Variants in MAMDC2 observed in about 807,000 individuals in gnomAD.
MAMDC2 encodes MAM domain containing 2.
A neutral mutation model predicts 89.8 loss-of-function variants in MAMDC2; 57 were observed. That is an observed-to-expected ratio of 0.63 (90% CI 0.51 to 0.79). MAMDC2 has a LOEUF of 0.79. Ranked by LOEUF, MAMDC2 falls within the 30% of genes least tolerant of loss-of-function variation. The probability of loss-of-function intolerance (pLI) is 0.00; values close to 1 mark genes in which losing one functional copy is unlikely to be tolerated. For missense variants in MAMDC2, 800 were observed against 820.6 expected (o/e 0.97, Z 0.31); for synonymous variants, 313 against 293.4 (o/e 1.07, Z -0.68).
chr9:70,117,790 CAG>C (rs1688345350), intron 5 of MAMDC2, among the ~76,000 whole-genome samples: 1 of 152,094 alleles, frequency 6.6e-6, no homozygotes, highest in East Asian at 1.9e-4. Context: ...GAAAGCTAAA[CAG>C]ATTTCTTTAT....
At chr9:70,195,333 T>A (rs985672260) in intron 11 of MAMDC2, among the ~76,000 whole-genome samples, 12 of 152,056 alleles carry the variant, frequency 7.9e-5, no homozygotes, top group African/African-American at 2.9e-4. Context: ...GTGACTTGCA[T>A]CAAAGTGGGA....
At chr9:70,131,769 ACT>A (rs1350994671) in intron 7 of MAMDC2, among the ~76,000 whole-genome samples, 157 bp downstream of exon 7, 2 of 152,000 alleles carry the variant, frequency 1.3e-5, no homozygotes, top group Non-Finnish European at 2.9e-5. Context: ...CTGGAATATT[ACT>A]CTCTTTTCCT....
At chr9:70,070,582 A>G (rs909121603) in intron 2 of MAMDC2, among the ~76,000 whole-genome samples, 2 of 152,230 alleles carry the variant, frequency 1.3e-5, no homozygotes, top group Non-Finnish European at 2.9e-5. Context: ...GGTGTTCAGT[A>G]ACTTCCTACT....
chr9:70,115,554 C>T (rs1175960566), intron 5 of MAMDC2, among the ~76,000 whole-genome samples: 3 of 152,106 alleles, frequency 2.0e-5, no homozygotes, highest in Non-Finnish European at 2.9e-5. Context: ...TGGGGTTTCC[C>T]CATGTTGGCC....
At chr9:70,201,647 C>T (rs1443132447) in intron 11 of MAMDC2, among the ~76,000 whole-genome samples, 1 of 78,176 alleles carries the variant, frequency 1.3e-5, no homozygotes, top group Non-Finnish European at 2.3e-5. Flanking sequence ...CCTCCTTGTA[C>T]CTCTGGTAGA....
intron 11 of MAMDC2, chr9:70,217,144 T>C: frequency 1.7e-6 from 1 of 576,298 alleles, no homozygotes; most frequent in Non-Finnish European, 3.1e-6. Context: ...TTTAAAAATA[T>C]TACAGAATAT....
chr9:70,203,718 C>T (rs1344460026), intron 11 of MAMDC2, among the ~76,000 whole-genome samples: 2 of 113,786 alleles, frequency 1.8e-5, no homozygotes, highest in African/African-American at 6.6e-5. Flanking sequence ...TTGGTCTTTT[C>T]ACATAGTCCC....
In MAMDC2 at chr9:70,211,183, T is replaced by G. The variant is rs140957209; in HGVS notation, c.1652-7154T>G. 8.2e-3 allele frequency among the ~76,000 whole-genome samples: 1,256 copies of G among 152,324 alleles called. 7 individuals carry two copies. Among genetic ancestry groups the G allele is most frequent in the Non-Finnish European group, 0.012 (802 of 68,034 alleles). On this transcript the variant is annotated intron_variant, in intron 11 of 13. Transcript: ENST00000377182. ...TTCTATGTTGGCTTGCCTTGGTAGGTTGGGGAAGTTCTCCTGGATAATATC... is the reference window on the plus strand; with the variant it reads ...TTCTATGTTGGCTTGCCTTGGTAGGGTGGGGAAGTTCTCCTGGATAATATC...
At chr9:70,183,659 A>T (rs1304726847) in intron 11 of MAMDC2, among the ~76,000 whole-genome samples, 1 of 152,020 alleles carries the variant, frequency 6.6e-6, no homozygotes, top group Non-Finnish European at 1.5e-5. Context: ...AGAGACTAGG[A>T]TTGCAACCCT....
intron 12 of MAMDC2, among the ~76,000 whole-genome samples, chr9:70,221,374 T>TAGAGAGAGAG (rs1327310408): frequency 1.5e-4 from 1 of 6,478 alleles, no homozygotes; most frequent in Non-Finnish European, 3.3e-4. Context: ...TATATATATA[T>TAGAGAGAGAG]ATATATAGAG....
chr9:70,221,991 C>T (rs145412170), intron 12 of MAMDC2, among the ~76,000 whole-genome samples: 24 of 152,206 alleles, frequency 1.6e-4, no homozygotes, highest in Admixed American at 3.3e-4. Flanking sequence ...CCAGCTACTG[C>T]GTGTAAAGTA....
intron 2 of MAMDC2, among the ~76,000 whole-genome samples, chr9:70,058,925 A>G (rs2118019642): frequency 6.6e-6 from 1 of 152,332 alleles, no homozygotes; most frequent in Admixed American, 6.5e-5. Context: ...GCCTGGTTCC[A>G]AGTTCCAAAT....
chr9:70,194,082 C>G (rs1563994344), intron 11 of MAMDC2: 1 of 152,088 alleles, frequency 6.6e-6, no homozygotes, highest in Non-Finnish European at 1.5e-5. Context: ...GCTATAGTTC[C>G]TGACTTACTA....
chr9:70,083,673 G>C (rs73650528), intron 2 of MAMDC2: 1 of 150,340 alleles, frequency 6.7e-6, no homozygotes, highest in African/African-American at 2.4e-5. Flanking sequence ...GCATGCTTAC[G>C]CATGATTTCT....
chr9:70,048,665 T>G (rs1289910283), intron 2 of MAMDC2, among the ~76,000 whole-genome samples: 1 of 152,148 alleles, frequency 6.6e-6, no homozygotes, highest in East Asian at 1.9e-4. Flanking sequence ...ATCATCTTTA[T>G]TCACAGCTCA....
chr9:70,109,590 A>G (rs978565341), intron 3 of MAMDC2, 130 bp from the exon 4 acceptor site: 11 of 706,160 alleles, frequency 1.6e-5, no homozygotes, highest in Non-Finnish European at 2.8e-5. Context: ...TCCAATAGCA[A>G]TTAGCTGAGA....
rs560485704 is a variant in MAMDC2, at chr9:70,105,587, A to G, written c.149-2624A>G. Reference sequence around the variant, plus strand: ...AATATGAGATCTTTAATTTAAATGCAAAATTCCAATATTTTAAAATAACCC... The same window carrying G: ...AATATGAGATCTTTAATTTAAATGCGAAATTCCAATATTTTAAAATAACCC... On this transcript the variant is annotated intron_variant, in intron 2 of 13. Coordinates refer to ENST00000377182, the MANE Select transcript of MAMDC2 (RefSeq NM_153267.5). Among the ~76,000 whole-genome samples the G allele has an allele frequency of 1.2e-4, 19 of 152,340 alleles. No individual in the cohort carries two copies. The South Asian group carries it at 3.9e-3, about 32-fold the overall frequency.
intron 11 of MAMDC2, among the ~76,000 whole-genome samples, chr9:70,179,371 A>AC (rs2032582515): frequency 1.3e-5 from 2 of 148,942 alleles, no homozygotes; most frequent in East Asian, 2.0e-4. Context: ...ACACACACAC[A>AC]AAATTAGCTG....
intron 11 of MAMDC2, among the ~76,000 whole-genome samples, chr9:70,175,602 T>C (rs550918836): frequency 1.3e-5 from 2 of 152,176 alleles, no homozygotes; most frequent in African/African-American, 4.8e-5. Flanking sequence ...ATAGTATACA[T>C]AGGGTTCAGT....
Sources: gnomAD v4.1 joint callset for allele counts (sites outside exome capture counted in the v4.1 genomes callset) on GRCh38, gnomAD v4.1.1 for gene constraint, MANE v1.5 for transcripts, NCBI Gene and HGNC (gene_info 2026-07-23, HGNC 2026-07-21) for gene names.